CAT: variants seen among roughly 807,000 people sequenced by gnomAD.
The protein encoded by CAT is epididymis secretory sperm binding protein.
Under a neutral mutation model 59.0 loss-of-function variants are expected in CAT, and 43 were observed. That is an observed-to-expected ratio of 0.73 (90% CI 0.57 to 0.94). The LOEUF is 0.94. Among genes scored for constraint, CAT ranks in the 40% least tolerant of loss-of-function variants. CAT has a pLI of 0.00. For missense variants in CAT, 664 were observed against 682.9 expected (o/e 0.97, Z 0.31); for synonymous variants, 218 against 230.9 (o/e 0.94, Z 0.51).
intron 9 of CAT, among the ~76,000 whole-genome samples, chr11:34,461,640 C>T (rs1281699338): frequency 6.6e-6 from 1 of 152,152 alleles, no homozygotes; most frequent in Admixed American, 6.5e-5. Context: ...TTACTTGTAT[C>T]CAGTAGTTAA....
At chr11:34,449,824 T>C (rs182710971) in intron 2 of CAT, among the ~76,000 whole-genome samples, 42 of 152,370 alleles carry the variant, frequency 2.8e-4, no homozygotes, top group African/African-American at 9.6e-4. Flanking sequence ...GAGCCATACA[T>C]ACCTTTAAGA....
intron 9 of CAT, 80 bp from the exon 10 acceptor site, chr11:34,464,025 A>G: frequency 1.4e-6 from 2 of 1,399,290 alleles, no homozygotes; most frequent in Non-Finnish European, 2.0e-6. Context: ...ACTTGAATTT[A>G]TTTCTCATCA....
chr11:34,447,375 T>C (rs1228131872), intron 1 of CAT, among the ~76,000 whole-genome samples: 1 of 152,204 alleles, frequency 6.6e-6, no homozygotes, highest in East Asian at 1.9e-4. Flanking sequence ...GTGAAATTGC[T>C]CTTTTTCTGG....
At chr11:34,465,799 T>G (rs1007198306) in intron 10 of CAT, among the ~76,000 whole-genome samples, 1 of 152,164 alleles carries the variant, frequency 6.6e-6, no homozygotes, top group African/African-American at 2.4e-5. Flanking sequence ...TTACTTACCG[T>G]TTCATGGAGA....
At chr11:34,449,932 G>A (rs1360872044) in intron 2 of CAT, among the ~76,000 whole-genome samples, 1 of 152,188 alleles carries the variant, frequency 6.6e-6, no homozygotes, top group African/African-American at 2.4e-5. Context: ...CAAGGCAAGA[G>A]CCAGCCCTGG....
intron 4 of CAT, 41 bp from the exon 5 acceptor site, chr11:34,453,049 A>T: frequency 8.4e-7 from 1 of 1,194,646 alleles, no homozygotes; most frequent in Non-Finnish European, 1.3e-6. Context: ...AATTCCTGTA[A>T]ACTTAGTTTT....
At chr11:34,452,582 G>A (rs893913663) in intron 4 of CAT, among the ~76,000 whole-genome samples, 2 of 152,028 alleles carry the variant, frequency 1.3e-5, no homozygotes, top group South Asian at 2.1e-4. Flanking sequence ...TATTTTTTCC[G>A]TGAAGAAATA....
At chr11:34,452,815 A>G (rs1411087942) in intron 4 of CAT, among the ~76,000 whole-genome samples, 3 of 151,874 alleles carry the variant, frequency 2.0e-5, no homozygotes, top group Middle Eastern at 3.4e-3. Flanking sequence ...TGATCATGCC[A>G]TTGCAATCAG....
chr11:34,439,449 C>G (rs1856359804), intron 1 of CAT, among the ~76,000 whole-genome samples: 1 of 152,146 alleles, frequency 6.6e-6, no homozygotes, highest in African/African-American at 2.4e-5. Context: ...GAACCAGGCT[C>G]TAATGGTGCC....
At chr11:34,453,513 A>G (rs966753414) in intron 5 of CAT, among the ~76,000 whole-genome samples, 1 of 152,220 alleles carries the variant, frequency 6.6e-6, no homozygotes, top group East Asian at 1.9e-4. Context: ...CAAATTTGCT[A>G]TGCAAATAAA....
intron 12 of CAT, 90 bp downstream of exon 12, chr11:34,471,131 A>G (rs1590311903): frequency 9.0e-7 from 1 of 1,108,060 alleles, no homozygotes. Flanking sequence ...TACAGTCTGC[A>G]GGGGCCATTA....
chr11:34,467,086 CATG>C (rs941713853), intron 10 of CAT, among the ~76,000 whole-genome samples: 2 of 151,814 alleles, frequency 1.3e-5, no homozygotes, highest in Non-Finnish European at 2.9e-5. Context: ...GAATCATAGA[CATG>C]ATAATTGGAA....
In CAT at chr11:34,449,225, C is replaced by G; in HGVS notation, c.100C>G (p.Pro34Ala). ...ADVLTTGAGNPVGDKLNVITV... is the reference protein window; with the variant it reads ...ADVLTTGAGNAVGDKLNVITV... ...TGTCCTGACCACTGGAGCTGGTAAC[C>G]CAGTAGGAGACAAACTTAATGTTAT... The change falls in exon 2 of 13, where the codon CCA becomes GCA. Residue 34 changes from proline to alanine, a missense_variant. By Grantham distance (27) the Pro-to-Ala change is conservative (BLOSUM62 -1). Transcript: ENST00000241052. 1 of 1,614,128 alleles carries G rather than the reference C, an allele frequency of 6.2e-7. No homozygotes were observed. Among genetic ancestry groups the G allele is most frequent in the African/African-American group, 1.3e-5 (1 of 75,034 alleles).
At chr11:34,468,665 T>G (rs1856744978) in intron 11 of CAT, 1 of 533,186 alleles carries the variant, frequency 1.9e-6, no homozygotes, top group Non-Finnish European at 3.4e-6. Context: ...TTCTGTTTAA[T>G]TCAGCTGCAG....
intron 1 of CAT, among the ~76,000 whole-genome samples, chr11:34,441,608 A>T (rs1429275280): frequency 1.3e-5 from 2 of 152,180 alleles, no homozygotes; most frequent in Non-Finnish European, 2.9e-5. Context: ...AGCCTAAGCA[A>T]CATGGTGAAA....
At chr11:34,466,780 C>CAAAA (rs71457350) in intron 10 of CAT, among the ~76,000 whole-genome samples, 453 of 41,138 alleles carry the variant, frequency 0.011, 31 homozygotes, top group Middle Eastern at 0.04. Flanking sequence ...GACTCCGTCT[C>CAAAA]AAAAAAAAAA....
At chr11:34,449,151 T>C (rs776018173) in intron 1 of CAT, 41 bp from the exon 2 acceptor site, 6 of 1,566,584 alleles carry the variant, frequency 3.8e-6, no homozygotes, top group Non-Finnish European at 5.3e-6. Context: ...AAAGGTTTGA[T>C]TGTGCTAACT....
chr11:34,449,944 C>T (rs978959502), intron 2 of CAT, among the ~76,000 whole-genome samples: 21 of 152,196 alleles, frequency 1.4e-4, no homozygotes, highest in Admixed American at 1.4e-3. Flanking sequence ...CAGCCCTGGA[C>T]AGGATGCTGT....
chr11:34,445,185 T>A (rs1856435018), intron 1 of CAT, among the ~76,000 whole-genome samples: 2 of 151,792 alleles, frequency 1.3e-5, no homozygotes, highest in South Asian at 4.2e-4. Context: ...GAGTACACAG[T>A]CTAGAGAGGA....
Sources: gnomAD v4.1 joint callset for allele counts (sites outside exome capture counted in the v4.1 genomes callset) on GRCh38, gnomAD v4.1.1 for gene constraint, MANE v1.5 for transcripts, NCBI Gene and HGNC (gene_info 2026-07-23, HGNC 2026-07-21) for gene names.